The following FMN1 variants were observed in gnomAD, a reference collection of about 807,000 sequenced individuals.
The protein encoded by FMN1 is formin-1.
In FMN1, 110 loss-of-function variants were observed where a neutral mutation model predicts 132.4. That is an observed-to-expected ratio of 0.83 (90% CI 0.71 to 0.97). The LOEUF (loss-of-function observed/expected upper bound fraction) is 0.97, where lower values mean the gene tolerates loss of function less well. Among genes scored for constraint, FMN1 ranks in the 50% least tolerant of loss-of-function variants. FMN1 has a pLI of 0.00. For synonymous variants in FMN1, 722 were observed against 651.7 expected (o/e 1.11, Z -1.64); for missense variants, 1,792 against 1,705.3 (o/e 1.05, Z -0.90).
chr15:33,155,377 G>A (rs1445506873), intron 3 of FMN1, among the ~76,000 whole-genome samples: 2 of 152,138 alleles, frequency 1.3e-5, no homozygotes, highest in East Asian at 3.9e-4. Context: ...GTAAAATAGA[G>A]CTATCATAAC....
At chr15:33,110,907 G>C (rs2039677489) in intron 4 of FMN1, among the ~76,000 whole-genome samples, 1 of 151,980 alleles carries the variant, frequency 6.6e-6, no homozygotes, top group Non-Finnish European at 1.5e-5. Context: ...CCTTAAAGAA[G>C]TTCTAAAAAC....
intron 7 of FMN1, among the ~76,000 whole-genome samples, chr15:32,997,706 C>T (rs985372710): frequency 2.6e-5 from 4 of 152,146 alleles, no homozygotes; most frequent in African/African-American, 9.7e-5. Context: ...CAATCTCTTA[C>T]CATGCCTTCC....
rs1595576646 is a variant in FMN1, at chr15:33,154,906, G to A, written c.9C>T (p.Gly3=). 3.0e-5 allele frequency: 46 copies of A among 1,531,320 alleles called. No individual in the cohort carries two copies. The highest frequency in any genetic ancestry group is 4.1e-5 in the African/African-American group (3 of 72,900). The allele number at this position is 1,531,320 out of a possible 1,614,324, so 94.9% of individuals were successfully genotyped here. Residue 3 remains glycine (G), a synonymous_variant, in exon 4 of 21, where the codon GGC becomes GGT. Transcript: ENST00000616417. ME[G]THCTLQLHKP... is the part of the protein sequence containing the mutation. ...TATGCAATTGGAGGGTACAATGAGT[G>A]CCTTCCATTATGCCTACCTAATTAT... is the stretch of plus-strand genomic sequence containing the variant.
intron 16 of FMN1, among the ~76,000 whole-genome samples, chr15:32,875,517 T>C (rs1266041103): frequency 1.3e-5 from 2 of 152,208 alleles, no homozygotes; most frequent in African/African-American, 4.8e-5. Flanking sequence ...GGGCTGTCAA[T>C]TTCCTGGTAG....
intron 7 of FMN1, among the ~76,000 whole-genome samples, chr15:33,004,372 A>G (rs343923): frequency 0.64 from 96,390 of 151,692 alleles, 33,951 homozygotes; most frequent in East Asian, 0.88. Flanking sequence ...ATCAAAAAGT[A>G]GGCGAAGGAT....
At chr15:33,049,622 A>G (rs1482964064) in intron 6 of FMN1, among the ~76,000 whole-genome samples, 1 of 152,220 alleles carries the variant, frequency 6.6e-6, no homozygotes, top group Admixed American at 6.5e-5. Flanking sequence ...CTTCTTACAT[A>G]TTTAAGTTCA....
At chr15:32,999,650 A>C (rs564255303) in intron 7 of FMN1, among the ~76,000 whole-genome samples, 11 of 152,334 alleles carry the variant, frequency 7.2e-5, no homozygotes, top group Non-Finnish European at 1.3e-4. Context: ...GCATGTGATA[A>C]ATGGGGTAAA....
At chr15:32,855,152 G>A (rs1446073275) in intron 17 of FMN1, among the ~76,000 whole-genome samples, 1 of 119,778 alleles carries the variant, frequency 8.3e-6, no homozygotes, top group Non-Finnish European at 1.7e-5. Flanking sequence ...GAATTACGTG[G>A]AGAGTAAAAA....
rs762210519 is a variant in FMN1, at chr15:33,065,062, G to A, written c.2056C>T (p.Leu686=). 2.5e-6 allele frequency: 4 copies of A among 1,607,584 alleles called. No homozygotes were observed. In the East Asian group the frequency reaches 9.0e-5, roughly 36 times the overall value. ...GGAGTCCTGTCATCCTGCTCAGTCA[G>A]GCTGTGGTCAGGCTGTTGAAAGAGC... The part of the protein sequence containing the change: ...LYLDLHPDHS[L]TEQDDRTPGR... Residue 686 remains leucine, a synonymous_variant, in exon 6 of 21, where the codon CTG becomes TTG. Transcript: ENST00000616417.
At chr15:32,805,021 T>C (rs1457418034) in intron 17 of FMN1, among the ~76,000 whole-genome samples, 1 of 152,216 alleles carries the variant, frequency 6.6e-6, no homozygotes, top group African/African-American at 2.4e-5. Context: ...TTTGGGTATA[T>C]ATCCAGTAAT....
rs993235496 is a variant in FMN1, at chr15:32,770,681, G to C, written c.*3629C>G. 2.0e-5 allele frequency: 3 copies of C among 152,150 alleles called. No homozygotes were observed. The highest frequency in any genetic ancestry group is 4.4e-5 in the Non-Finnish European group (3 of 68,038). 9.4% of individuals were successfully genotyped at this position (152,150 alleles called of 1,614,324 possible). On this transcript the variant is annotated 3_prime_UTR_variant, in exon 21 of 21. Coordinates refer to ENST00000616417, the MANE Select transcript of FMN1 (RefSeq NM_001277313.2). ...GAAGGAGGCTGAGAAGAGGTTTGCA[G>C]CTTCTACTGTCCTTGATAGGGGAGG...
rs182508491 is a variant in FMN1, at chr15:32,967,385, G to A, written c.2987+1329C>T. The stretch of plus-strand genomic sequence containing the variant: ...GCTCCCCGTGCTGTCGGACACACTC[G>A]TCCAGGGCTTACAGGTGGGAGCTAT... On this transcript the variant is annotated intron_variant, in intron 8 of 20. Coordinates refer to ENST00000616417, the MANE Select transcript of FMN1 (RefSeq NM_001277313.2). Among the ~76,000 whole-genome samples the A allele has an allele frequency of 1.2e-4, 19 of 152,330 alleles. No homozygotes were observed. In the East Asian group the frequency reaches 3.5e-3, roughly 28 times the overall value.
At chr15:33,024,308 G>A (rs345857) in intron 6 of FMN1, among the ~76,000 whole-genome samples, 57,569 of 139,216 alleles carry the variant, frequency 0.41, 11,876 homozygotes, top group Admixed American at 0.53. Context: ...GTGCAGTGAC[G>A]TGATCTCGGC....
chr15:32,964,726 A>G (rs2031023540), intron 8 of FMN1, among the ~76,000 whole-genome samples: 1 of 152,242 alleles, frequency 6.6e-6, no homozygotes, highest in African/African-American at 2.4e-5. Flanking sequence ...GACTTTTTCA[A>G]CTACTTTTAA....
intron 16 of FMN1, among the ~76,000 whole-genome samples, chr15:32,881,364 T>C (rs888924010): frequency 6.6e-6 from 1 of 152,224 alleles, no homozygotes; most frequent in Non-Finnish European, 1.5e-5. Flanking sequence ...TTTGATTAAT[T>C]CATTTATCAT....
chr15:32,995,375 A>G (rs1266068602), intron 7 of FMN1, among the ~76,000 whole-genome samples: 2 of 152,294 alleles, frequency 1.3e-5, no homozygotes, highest in South Asian at 4.1e-4. Flanking sequence ...TTAACACTCA[A>G]AAAGTCTCTC....
chr15:32,811,574 G>A (rs1473267667), intron 17 of FMN1, among the ~76,000 whole-genome samples: 1 of 151,544 alleles, frequency 6.6e-6, no homozygotes, highest in East Asian at 1.9e-4. Flanking sequence ...TCTTCAAATG[G>A]TCATCTAGTC....
intron 9 of FMN1, among the ~76,000 whole-genome samples, chr15:32,949,205 A>T (rs1420871485): frequency 6.6e-6 from 1 of 152,142 alleles, no homozygotes; most frequent in Non-Finnish European, 1.5e-5. Context: ...TAAAATTCAT[A>T]TGGTACCAAA....
At chr15:33,116,939 CTTAT>C (rs138345307) in intron 4 of FMN1, among the ~76,000 whole-genome samples, 45,477 of 151,758 alleles carry the variant, frequency 0.3, 7,321 homozygotes, top group East Asian at 0.64. Context: ...TCAATAAATG[CTTAT>C]TATTACTATT....
Sources: allele counts gnomAD v4.1 joint callset (sites outside exome capture counted in the v4.1 genomes callset), GRCh38; gene constraint gnomAD v4.1.1; transcripts MANE v1.5; gene names NCBI Gene and HGNC (gene_info 2026-07-23, HGNC 2026-07-21).